ANO1: variants seen among roughly 807,000 people sequenced by gnomAD.
ANO1 encodes the protein anoctamin-1.
Under a neutral mutation model 124.0 loss-of-function variants are expected in ANO1, and 59 were observed. That is an observed-to-expected ratio of 0.48 (90% confidence interval 0.39 to 0.59). The LOEUF (loss-of-function observed/expected upper bound fraction) is 0.59, where lower values mean the gene tolerates loss of function less well. ANO1 is among the 20% of genes least tolerant of loss of function. The pLI is 0.00. For missense variants in ANO1, 1,059 were observed against 1,328.0 expected (o/e 0.80, Z 3.15); for synonymous variants, 529 against 532.0 (o/e 0.99, Z 0.08).
At chr11:70,105,932 G>A in intron 5 of ANO1, 144 bp downstream of exon 5, 1 of 871,270 alleles carries the variant, frequency 1.1e-6, no homozygotes, top group Non-Finnish European at 1.8e-6. Flanking sequence ...ATGAAAGGGA[G>A]AGGGCAACGA....
chr11:70,035,351 C>G (rs1164934823), intron 1 of ANO1, among the ~76,000 whole-genome samples: 1 of 152,174 alleles, frequency 6.6e-6, no homozygotes, highest in Non-Finnish European at 1.5e-5. Flanking sequence ...AAGCCCTGCG[C>G]TGGCGAACTT....
At chr11:70,077,744 T>A (rs2044080960), upstream of ANO1, among the ~76,000 whole-genome samples, 1 of 151,864 alleles carries the variant, frequency 6.6e-6, no homozygotes, top group South Asian at 2.1e-4. Flanking sequence ...AGGTGCGGGG[T>A]TAAATGAGAT....
At chr11:70,070,903 G>A (rs528651445) in intron 1 of ANO1, among the ~76,000 whole-genome samples, 4 of 152,306 alleles carry the variant, frequency 2.6e-5, no homozygotes, top group South Asian at 4.1e-4. Context: ...AGAACTGCTC[G>A]TGGAGGGCAT....
upstream of ANO1, among the ~76,000 whole-genome samples, chr11:70,076,465 A>G (rs1180472273): frequency 8.6e-5 from 13 of 151,886 alleles, no homozygotes; most frequent in Non-Finnish European, 1.8e-4. Flanking sequence ...TGCACCTCAT[A>G]GAGCTCTGGA....
intron 2 of ANO1, among the ~76,000 whole-genome samples, chr11:70,102,604 G>A (rs1411078907): frequency 1.3e-5 from 2 of 152,248 alleles, no homozygotes; most frequent in African/African-American, 4.8e-5. Flanking sequence ...AAGATGCCCA[G>A]AGGGGGGACC....
intron 8 of ANO1, among the ~76,000 whole-genome samples, chr11:70,121,501 G>A (rs1181326422): frequency 8.1e-6 from 1 of 122,758 alleles, no homozygotes; most frequent in Non-Finnish European, 1.6e-5. Flanking sequence ...CTCTCTGTCT[G>A]TCTCTCTATC....
intron 2 of ANO1, among the ~76,000 whole-genome samples, chr11:70,095,360 A>AAG (rs763332904): frequency 2.5e-3 from 57 of 22,378 alleles, no homozygotes; most frequent in East Asian, 0.01. Flanking sequence ...GAAAGAAAGA[A>AAG]AGAAAGAAAG....
At chr11:70,112,747 T>TG (rs1027678767) in intron 7 of ANO1, among the ~76,000 whole-genome samples, 20 of 151,928 alleles carry the variant, frequency 1.3e-4, no homozygotes, top group African/African-American at 4.8e-4. Flanking sequence ...TTAGTAGAGA[T>TG]GGGGTTTCAC....
At chr11:70,161,798 C>A in intron 18 of ANO1, 65 bp downstream of exon 18, 2 of 1,517,454 alleles carry the variant, frequency 1.3e-6, no homozygotes, top group South Asian at 1.1e-5. Flanking sequence ...GCTCTCCCTC[C>A]CCACAGGTTG....
intron 1 of ANO1, among the ~76,000 whole-genome samples, chr11:70,084,940 T>C (rs1193442927): frequency 2.0e-5 from 3 of 152,122 alleles, no homozygotes; most frequent in Non-Finnish European, 4.4e-5. Flanking sequence ...CCAGGTCAAA[T>C]GGACCTAACT....
At chr11:69,969,293 G>T in the ANO1 span, among the ~76,000 whole-genome samples, 1 of 152,210 alleles carries the variant, frequency 6.6e-6, no homozygotes, top group Admixed American at 6.5e-5. Context: ...GGCAGAGGCT[G>T]AGAAGGGTGG....
Position 70,006,671 on chromosome 11 carries a change from T to C in ANO1, c.58+20505T>C, listed in dbSNP as rs868975248. Among the ~76,000 whole-genome samples the C allele has an allele frequency of 9.4e-4, 121 of 128,516 alleles. 5 individuals carry two copies. In the South Asian group the frequency reaches 0.024, roughly 26 times the overall value. The allele number at this position is 128,516 out of a possible 152,430, so 84.3% of individuals were successfully genotyped here. ...TTCTTTCTTTCTTCTTTCTTTTTTTTTTTTTTTTTTTTTTTTGAGATGGAG... is the reference window on the plus strand; with the variant it reads ...TTCTTTCTTTCTTCTTTCTTTTTTTCTTTTTTTTTTTTTTTTGAGATGGAG... On this transcript the variant is annotated intron_variant, in intron 1 of 27. Coordinates refer to the ANO1 transcript ENST00000531349.
At chr11:70,010,169 G>GTGTGTGTGTGTA (rs1591031884) in intron 1 of ANO1, among the ~76,000 whole-genome samples, 10 of 22,692 alleles carry the variant, frequency 4.4e-4, no homozygotes, top group East Asian at 6.4e-3. Flanking sequence ...GTGTGTGCGC[G>GTGTGTGTGTGTA]TGTGTGTGTG....
At chr11:70,033,506 C>T (rs1055516487) in intron 1 of ANO1, among the ~76,000 whole-genome samples, 7 of 152,180 alleles carry the variant, frequency 4.6e-5, no homozygotes, top group Non-Finnish European at 8.8e-5. Flanking sequence ...CACTATGATG[C>T]TTCTGTGTCC....
Position 70,131,957 on chromosome 11 carries a change from GC to G in ANO1, c.1139del (p.Pro380ArgfsTer12). On this transcript the variant is annotated frameshift_variant, in exon 11 of 26. Coordinates refer to ENST00000355303, the MANE Select transcript of ANO1 (RefSeq NM_018043.7). LOFTEE classifies it high-confidence loss of function. The part of the protein sequence containing the change: ...MCDQRHNITM[C>X]PLCDKTCSYW... ...GACCAGAGACACAATATCACCATGTGCCCGCTTTGCGACAAGACCTGCAGCT... is the reference window on the plus strand; with the variant it reads ...GACCAGAGACACAATATCACCATGTGCCGCTTTGCGACAAGACCTGCAGCT... 6.2e-7 allele frequency: 1 copy of G among 1,609,582 alleles called. No homozygotes were observed.
intron 3 of ANO1, among the ~76,000 whole-genome samples, chr11:70,103,550 T>C (rs996518013): frequency 6.6e-6 from 1 of 152,200 alleles, no homozygotes; most frequent in African/African-American, 2.4e-5. Flanking sequence ...TTTAATTACA[T>C]TTTCTGGCTT....
chr11:70,075,223 C>T (rs10897924), upstream of ANO1: 74,207 of 151,876 alleles, frequency 0.49, 18,460 homozygotes, highest in East Asian at 0.69. Flanking sequence ...GCAATGCCAA[C>T]GGGATGGAAA....
upstream of ANO1, among the ~76,000 whole-genome samples, chr11:70,075,945 T>C (rs2044051284): frequency 6.6e-6 from 1 of 152,236 alleles, no homozygotes; most frequent in South Asian, 2.1e-4. Flanking sequence ...GTTTTTACTT[T>C]GTGTCGGTCC....
chr11:70,107,457 C>T (rs950910991), intron 5 of ANO1, among the ~76,000 whole-genome samples: 13 of 105,794 alleles, frequency 1.2e-4, no homozygotes, highest in African/African-American at 4.2e-4. Context: ...AGCCAGGGGG[C>T]GGGGTTGTTG....
Sources: gnomAD v4.1 joint callset for allele counts (sites outside exome capture counted in the v4.1 genomes callset) on GRCh38, gnomAD v4.1.1 for gene constraint, MANE v1.5 for transcripts, NCBI Gene and HGNC (gene_info 2026-07-23, HGNC 2026-07-21) for gene names.